The following DLGAP5 variants were observed in gnomAD, a reference collection of about 807,000 sequenced individuals.
DLGAP5 encodes DLG associated protein 5.
A neutral mutation model predicts 99.6 loss-of-function variants in DLGAP5; 90 were observed. The ratio of observed to expected loss-of-function variants is 0.90; its 90% CI spans 0.76 to 1.08. The LOEUF (loss-of-function observed/expected upper bound fraction) is 1.08, where lower values mean the gene tolerates loss of function less well. Ranked by LOEUF, DLGAP5 falls within the 50% of genes least tolerant of loss-of-function variation. The probability of loss-of-function intolerance (pLI) is 0.00; values close to 1 mark genes in which losing one functional copy is unlikely to be tolerated. For synonymous variants in DLGAP5, 311 were observed against 321.3 expected (o/e 0.97, Z 0.34); for missense variants, 1,036 against 983.5 (o/e 1.05, Z -0.71).
At chr14:55,155,261 G>A (rs1221456721) in intron 14 of DLGAP5, among the ~76,000 whole-genome samples, 2 of 150,876 alleles carry the variant, frequency 1.3e-5, no homozygotes, top group South Asian at 2.1e-4. Flanking sequence ...CTGACCTCAG[G>A]TGATCCACCT....
intron 12 of DLGAP5, among the ~76,000 whole-genome samples, chr14:55,165,344 A>T (rs1172078601): frequency 6.6e-6 from 1 of 152,046 alleles, no homozygotes; most frequent in Non-Finnish European, 1.5e-5. Context: ...TAACATGATG[A>T]CACCCCACCT....
At chr14:55,189,465 A>G (rs2139543162) in intron 1 of DLGAP5, among the ~76,000 whole-genome samples, 1 of 152,308 alleles carries the variant, frequency 6.6e-6, no homozygotes, top group Non-Finnish European at 1.5e-5. Context: ...AGAACACTGC[A>G]AAAAGAAAAG....
At chr14:55,152,311 G>C (rs972953443) in intron 16 of DLGAP5, among the ~76,000 whole-genome samples, 1 of 152,168 alleles carries the variant, frequency 6.6e-6, no homozygotes, top group Non-Finnish European at 1.5e-5. Flanking sequence ...CAAATGTGTG[G>C]CTATTACAAT....
At chr14:55,162,938 A>C in intron 13 of DLGAP5, 33 bp downstream of exon 13, 1 of 1,341,384 alleles carries the variant, frequency 7.5e-7, no homozygotes, top group Non-Finnish European at 1.0e-6. Flanking sequence ...TAACTAAAAA[A>C]AAAAAAATTG....
In DLGAP5 at chr14:55,158,513, A is replaced by G; in HGVS notation, c.1873+9T>C. ...AAACAAAAAAAATAAAAAATCAAAA[A>G]CAACTAACCTGAGAATAATTTAACA... On this transcript the variant is annotated intron_variant, in intron 14 of 18. Coordinates refer to ENST00000247191, the MANE Select transcript of DLGAP5 (RefSeq NM_014750.5). 3.1e-6 allele frequency: 5 copies of G among 1,600,218 alleles called. No individual in the cohort carries two copies. The highest frequency in any genetic ancestry group is 4.3e-6 in the Non-Finnish European group (5 of 1,174,392).
At chr14:55,156,078 G>A (rs1251347061) in intron 14 of DLGAP5, among the ~76,000 whole-genome samples, 1 of 151,218 alleles carries the variant, frequency 6.6e-6, no homozygotes, top group East Asian at 1.9e-4. Flanking sequence ...GCAATAGAGT[G>A]AGACTCTGCC....
intron 2 of DLGAP5, among the ~76,000 whole-genome samples, chr14:55,187,712 C>A (rs1883480234): frequency 1.3e-5 from 2 of 151,910 alleles, no homozygotes; most frequent in Non-Finnish European, 2.9e-5. Flanking sequence ...TTGTAGCACA[C>A]TGAAGCTTCA....
chr14:55,171,603 G>A (rs1882861629), intron 10 of DLGAP5, among the ~76,000 whole-genome samples: 1 of 152,126 alleles, frequency 6.6e-6, no homozygotes, highest in Non-Finnish European at 1.5e-5. Flanking sequence ...ACACAACCCA[G>A]CAATTCTACT....
In DLGAP5 at chr14:55,177,296, T is replaced by G; in HGVS notation, c.815A>C (p.Asn272Thr). ...TCCACTTGTTGCATTAGTTTGTGAA[T>G]TCAAAGTATTTTCTTCACTATCGAC... is the stretch of plus-strand genomic sequence containing the variant. ...CKVDSEENTL[N>T]SQTNATSGMN... is the part of the protein sequence containing the mutation. The change falls in exon 8 of 19, where the codon AAT becomes ACT. Residue 272 changes from asparagine to threonine, a missense_variant. Asn to Thr is a moderately conservative substitution (Grantham distance 65, BLOSUM62 0). Coordinates refer to ENST00000247191, the MANE Select transcript of DLGAP5 (RefSeq NM_014750.5). The G allele has an allele frequency of 6.2e-7, 1 of 1,608,328 alleles. No individual in the cohort carries two copies. The highest frequency in any genetic ancestry group is 8.5e-7 in the Non-Finnish European group (1 of 1,178,282).
intron 7 of DLGAP5, among the ~76,000 whole-genome samples, chr14:55,177,854 A>C (rs966531193): frequency 5.3e-5 from 8 of 151,830 alleles, no homozygotes; most frequent in African/African-American, 1.9e-4. Flanking sequence ...ATTCTTATTT[A>C]AAGACTAACT....
At chr14:55,163,834 G>A (rs910284886) in intron 12 of DLGAP5, among the ~76,000 whole-genome samples, 6 of 152,284 alleles carry the variant, frequency 3.9e-5, no homozygotes, top group South Asian at 2.1e-4. Context: ...TCTATGGTGA[G>A]GTAACTGTTC....
intron 4 of DLGAP5, 119 bp from the exon 5 acceptor site, chr14:55,181,416 A>G (rs1883271429): frequency 1.5e-6 from 1 of 647,292 alleles, no homozygotes; most frequent in East Asian, 3.2e-5. Context: ...CCCAACAACA[A>G]CAACAAAAAA....
chr14:55,172,981 CAAA>C (rs71291818), intron 10 of DLGAP5, among the ~76,000 whole-genome samples: 1,718 of 61,960 alleles, frequency 0.028, 11 homozygotes, highest in African/African-American at 0.099. Context: ...GACTCCGTCT[CAAA>C]AAAAAAAAAA....
chr14:55,150,937 G>T lies in DLGAP5; in HGVS notation c.2369-89C>A, dbSNP rs1881995220. Reference sequence around the variant, plus strand: ...GACAAAGCCATGAAAAATATGAAAAGTTCCACATATCAAATGCTAAGACAA... The same window carrying T: ...GACAAAGCCATGAAAAATATGAAAATTTCCACATATCAAATGCTAAGACAA... On this transcript the variant is annotated intron_variant, in intron 17 of 18. Transcript: ENST00000247191. 7 of 834,286 alleles carry T rather than the reference G, an allele frequency of 8.4e-6. No homozygotes were observed. In the South Asian group the frequency reaches 1.0e-4, roughly 12 times the overall value. 51.7% of individuals were successfully genotyped at this position (834,286 alleles called of 1,614,324 possible). A position where few individuals can be genotyped will look rare whatever the true frequency, so the allele number is the denominator to read the frequency against.
At chr14:55,176,777 G>A (rs550949826) in intron 8 of DLGAP5, among the ~76,000 whole-genome samples, 92 of 151,858 alleles carry the variant, frequency 6.1e-4, no homozygotes, top group Middle Eastern at 6.8e-3. Flanking sequence ...AGGAGATCGA[G>A]ACCATCCTGG....
At chr14:55,180,273 T>A (rs1883227495) in intron 6 of DLGAP5, among the ~76,000 whole-genome samples, 1 of 152,226 alleles carries the variant, frequency 6.6e-6, no homozygotes, top group Non-Finnish European at 1.5e-5. Context: ...CATAATGCTT[T>A]TTAGAACTGC....
intron 14 of DLGAP5, among the ~76,000 whole-genome samples, chr14:55,156,723 T>C (rs911773769): frequency 2.6e-5 from 4 of 151,800 alleles, no homozygotes; most frequent in African/African-American, 7.3e-5. Flanking sequence ...CAAAAACAAC[T>C]AGATGAAAGT....
intron 14 of DLGAP5, among the ~76,000 whole-genome samples, chr14:55,155,474 G>A (rs941575323): frequency 1.3e-4 from 19 of 149,872 alleles, no homozygotes; most frequent in African/African-American, 4.4e-4. Flanking sequence ...AGCCTCCCGA[G>A]TAGCTGGGAT....
intron 2 of DLGAP5, 122 bp downstream of exon 2, chr14:55,188,820 A>T (rs918052065): frequency 1.4e-5 from 9 of 660,752 alleles, no homozygotes; most frequent in Non-Finnish European, 2.0e-5. Flanking sequence ...ACCAAAAAGG[A>T]AAGTTATTTA....
Sources: allele counts gnomAD v4.1 joint callset (sites outside exome capture counted in the v4.1 genomes callset), GRCh38; gene constraint gnomAD v4.1.1; transcripts MANE v1.5; gene names NCBI Gene and HGNC (gene_info 2026-07-23, HGNC 2026-07-21).